The following MEI1 variants were observed in gnomAD, a reference collection of about 807,000 sequenced individuals.
The protein encoded by MEI1 is meiosis inhibitor protein 1.
A neutral mutation model predicts 146.2 loss-of-function variants in MEI1; 103 were observed. The observed-to-expected ratio is 0.70, with a 90% CI of 0.60 to 0.83. The LOEUF (loss-of-function observed/expected upper bound fraction) is 0.83. Among genes scored for constraint, MEI1 ranks in the 40% least tolerant of loss-of-function variants. The pLI is 0.00. For missense variants in MEI1, 1,529 were observed against 1,533.0 expected, an observed-to-expected ratio of 1.00 and a Z score of 0.04; for synonymous variants, 652 against 628.2, an observed-to-expected ratio of 1.04 and a Z score of -0.57.
intron 10 of MEI1, 49 bp from the exon 11 acceptor site, chr22:41,732,420 G>A (rs1275865513): frequency 3.7e-6 from 6 of 1,613,416 alleles, no homozygotes; most frequent in African/African-American, 2.7e-5. Context: ...CTCCTGGTGG[G>A]GTCAGTGAGA....
intron 11 of MEI1, among the ~76,000 whole-genome samples, chr22:41,740,021 C>CT (rs1392163770): frequency 1.2e-4 from 18 of 149,210 alleles, no homozygotes; most frequent in East Asian, 5.9e-4. Flanking sequence ...GATTATTTTA[C>CT]TTTTTTTTTG....
At chr22:41,755,626 A>G (rs1384930981) in intron 17 of MEI1, among the ~76,000 whole-genome samples, 3 of 152,224 alleles carry the variant, frequency 2.0e-5, no homozygotes, top group African/African-American at 7.2e-5. Context: ...AGCCCCACAC[A>G]TCTCCTGCCT....
At chr22:41,753,866 G>A in intron 16 of MEI1, 83 bp from the exon 17 acceptor site, 1 of 956,196 alleles carries the variant, frequency 1.0e-6, no homozygotes. Context: ...AAGCAGTGGT[G>A]CCCAGGCATA....
chr22:41,753,859 C>T, intron 16 of MEI1, 90 bp from the exon 17 acceptor site: 1 of 897,506 alleles, frequency 1.1e-6, no homozygotes. Context: ...TGGCACAAAG[C>T]AGTGGTGCCC....
At chr22:41,731,977 T>C (rs2147583910) in intron 9 of MEI1, among the ~76,000 whole-genome samples, 1 of 152,040 alleles carries the variant, frequency 6.6e-6, no homozygotes, top group Middle Eastern at 3.4e-3. Context: ...GTGGAGAAAA[T>C]ATGGCTTGGT....
intron 18 of MEI1, among the ~76,000 whole-genome samples, chr22:41,761,618 C>G (rs1246847301): frequency 7.2e-5 from 11 of 151,728 alleles, no homozygotes; most frequent in Admixed American, 7.2e-4. Context: ...CCGGCCGACT[C>G]AGTCTTAAAA....
In MEI1 at chr22:41,793,889, G is replaced by A. The variant is rs1258922106; in HGVS notation, c.3406G>A (p.Asp1136Asn). ...CCTGGAGGCCTTGCTTGACTACCTG[G>A]ATGCCCGGAGCCCAGACATTGGTAG... ...GCLEALLDYLDARSPDIALHV... is the reference protein window; with the variant it reads ...GCLEALLDYLNARSPDIALHV... Residue 1136 changes from aspartate (D) to asparagine (N), a missense_variant, in exon 27 of 31, where the codon GAT (aspartate) becomes AAT (asparagine). Coordinates refer to ENST00000401548, the MANE Select transcript of MEI1 (RefSeq NM_152513.4). 1 of 1,612,966 alleles carries A rather than the reference G, an allele frequency of 6.2e-7. No homozygotes were observed. The highest frequency in any genetic ancestry group is 8.5e-7 in the Non-Finnish European group (1 of 1,179,644).
rs1207811988 is a variant in MEI1 at position 41,720,642 on chromosome 22, C to A, written c.733+2368C>A. On this transcript the variant is annotated intron_variant, in intron 6 of 30. Coordinates refer to ENST00000401548, the MANE Select transcript of MEI1 (RefSeq NM_152513.4). ...ACGGAGTCTGGCACAGTTGCCCAGG[C>A]TGGAGTGCAGTGGGCGTGATCTCAG... is the stretch of plus-strand genomic sequence containing the variant. Among the ~76,000 whole-genome samples, 7 of 149,268 alleles carry A rather than the reference C, an allele frequency of 4.7e-5. No individual in the cohort carries two copies. In the East Asian group the frequency reaches 1.4e-3, roughly 30 times the overall value.
At chr22:41,752,350 G>A (rs1005041945) in intron 15 of MEI1, 1 of 500,802 alleles carries the variant, frequency 2.0e-6, no homozygotes, top group Non-Finnish European at 3.6e-6. Flanking sequence ...TTTGTTAGAT[G>A]TTCTCCATAC....
chr22:41,705,925 C>T (rs1429107855), intron 3 of MEI1, among the ~76,000 whole-genome samples: 1 of 152,084 alleles, frequency 6.6e-6, no homozygotes, highest in East Asian at 1.9e-4. Flanking sequence ...CTAAGCTGGT[C>T]TCGAGCTCCT....
chr22:41,763,236 A>C lies in MEI1; in HGVS notation c.2183A>C (p.Gln728Pro). The C allele has an allele frequency of 6.2e-7, 1 of 1,613,948 alleles. No individual in the cohort carries two copies. Among genetic ancestry groups the C allele is most frequent in the South Asian group, 1.1e-5 (1 of 91,086 alleles). Residue 728 changes from glutamine (Q) to proline (P), a missense_variant, in exon 19 of 31, where the codon CAG becomes CCG. By Grantham distance (76) the Gln-to-Pro change is moderately conservative (BLOSUM62 -1). Around this residue, in one of 3 missense-constraint regions of MEI1, gnomAD observed 1,212 missense variants for 1,178.9 expected, o/e 1.03. Transcript: ENST00000401548. ...AGCTTCCTCCTGTCGCTGCAGGACC[A>C]GGGCGAGCGCCCCCCACTGGTGGTC... ...VQSFLLSLQD[Q>P]GERPPLVVFK...
At chr22:41,749,364 C>T (rs1210334728) in intron 15 of MEI1, among the ~76,000 whole-genome samples, 1 of 152,024 alleles carries the variant, frequency 6.6e-6, no homozygotes, top group African/African-American at 2.4e-5. Flanking sequence ...CAACCTCCGC[C>T]TCCCGGGTTC....
intron 24 of MEI1, 42 bp from the exon 25 acceptor site, chr22:41,784,297 T>C (rs562276424): frequency 1.7e-5 from 27 of 1,574,518 alleles, no homozygotes; most frequent in Non-Finnish European, 2.1e-5. Flanking sequence ...TGCCCAGGCT[T>C]CCAGAACATG....
chr22:41,754,720 G>C (rs1331527565), intron 17 of MEI1, among the ~76,000 whole-genome samples: 2 of 152,154 alleles, frequency 1.3e-5, no homozygotes, highest in African/African-American at 4.8e-5. Context: ...GTGAGCTACC[G>C]TGCCCAGCCA....
intron 3 of MEI1, among the ~76,000 whole-genome samples, chr22:41,710,392 G>T (rs1467733054): frequency 6.6e-6 from 1 of 152,204 alleles, no homozygotes; most frequent in East Asian, 1.9e-4. Flanking sequence ...AAGTGGGTTA[G>T]TAAGTGTAAT....
intron 2 of MEI1, among the ~76,000 whole-genome samples, 169 bp downstream of exon 2, chr22:41,703,623 C>A (rs2068871339): frequency 6.6e-6 from 1 of 151,996 alleles, no homozygotes; most frequent in Admixed American, 6.6e-5. Flanking sequence ...TTTCTAAGAT[C>A]CAAGATGCAT....
At chr22:41,717,322 C>T (rs539754870) in intron 5 of MEI1, among the ~76,000 whole-genome samples, 3 of 152,226 alleles carry the variant, frequency 2.0e-5, no homozygotes, top group Admixed American at 2.0e-4. Context: ...GCCACAACAC[C>T]AGGCTAATTT....
rs896608076 is a variant in MEI1 at position 41,764,240 on chromosome 22, G to A, written c.2268+919G>A. ...CTCCCAAAGTGCTGGGATTACAGGC[G>A]TGAGCCACCGTGCCCGGCTGGAAGT... On this transcript the variant is annotated intron_variant, in intron 19 of 30. Coordinates refer to ENST00000401548, the MANE Select transcript of MEI1 (RefSeq NM_152513.4). Among the ~76,000 whole-genome samples the A allele has an allele frequency of 1.1e-4, 17 of 152,254 alleles. No homozygotes were observed. In the South Asian group the frequency reaches 1.5e-3, roughly 13 times the overall value.
chr22:41,787,376 T>A (rs1052675354), intron 26 of MEI1, among the ~76,000 whole-genome samples: 5 of 152,190 alleles, frequency 3.3e-5, no homozygotes, highest in African/African-American at 1.2e-4. Flanking sequence ...ATTCTACTAA[T>A]AACATTTTAT....
Sources: allele counts gnomAD v4.1 joint callset (sites outside exome capture counted in the v4.1 genomes callset), GRCh38; gene constraint gnomAD v4.1.1; regional missense constraint gnomAD v4.1.1; transcripts MANE v1.5; gene names NCBI Gene and HGNC (gene_info 2026-07-23, HGNC 2026-07-21).